The following PRKD1 variants were observed in gnomAD, a reference collection of about 807,000 sequenced individuals.
PRKD1 encodes the protein serine/threonine-protein kinase D1.
A neutral mutation model predicts 95.9 loss-of-function variants in PRKD1; 63 were observed. That is an observed-to-expected ratio of 0.66 (90% CI 0.54 to 0.81). The LOEUF (loss-of-function observed/expected upper bound fraction) is 0.81. Ranked by LOEUF, PRKD1 falls within the 30% of genes least tolerant of loss-of-function variation. The pLI, the probability that PRKD1 is intolerant of heterozygous loss-of-function variation, is 0.00. For synonymous variants in PRKD1, 425 were observed against 423.1 expected, an observed-to-expected ratio of 1.00 and a Z score of -0.05; for missense variants, 1,048 against 1,165.3, an observed-to-expected ratio of 0.90 and a Z score of 1.47.
chr14:29,767,317 A>C (rs1221556847), intron 1 of PRKD1, among the ~76,000 whole-genome samples: 1 of 152,116 alleles, frequency 6.6e-6, no homozygotes, highest in African/African-American at 2.4e-5. Flanking sequence ...AGCTTGAAAA[A>C]TCTGAGCAAT....
At chr14:29,833,381 G>A (rs926281355) in intron 1 of PRKD1, among the ~76,000 whole-genome samples, 9 of 152,050 alleles carry the variant, frequency 5.9e-5, no homozygotes, top group Admixed American at 2.0e-4. Context: ...TAATAAACCT[G>A]TTAAAGTACA....
chr14:29,590,261 A>G (rs919015828), intron 16 of PRKD1, among the ~76,000 whole-genome samples: 1 of 152,214 alleles, frequency 6.6e-6, no homozygotes, highest in African/African-American at 2.4e-5. Flanking sequence ...AGTTTTCTCT[A>G]TCTTATTGTT....
At chr14:29,654,598 T>C (rs1780212036) in intron 4 of PRKD1, among the ~76,000 whole-genome samples, 1 of 152,242 alleles carries the variant, frequency 6.6e-6, no homozygotes, top group Non-Finnish European at 1.5e-5. Context: ...CATAAATCAA[T>C]ATATTTCATT....
rs116608454 is a variant in PRKD1, at chr14:29,767,121, G to A, written c.265-41447C>T. The stretch of plus-strand genomic sequence containing the variant: ...ACCTCCAAATCCTGATTTTCATGCC[G>A]CCAGACTCTCCTGAATCTTTTCTTC... On this transcript the variant is annotated intron_variant, in intron 1 of 17. Transcript: ENST00000331968. Among the ~76,000 whole-genome samples, 1,112 of 152,000 alleles carry A rather than the reference G, an allele frequency of 7.3e-3. 9 individuals carry two copies. The highest frequency in any genetic ancestry group is 0.025 in the African/African-American group (1,050 of 41,462).
intron 1 of PRKD1, among the ~76,000 whole-genome samples, chr14:29,749,144 T>A (rs1377810382): frequency 6.6e-6 from 1 of 152,124 alleles, no homozygotes; most frequent in Non-Finnish European, 1.5e-5. Context: ...CCTCTGTAAT[T>A]AAGGAGAGGG....
At chr14:29,636,947 T>C (rs1254305173) in intron 6 of PRKD1, among the ~76,000 whole-genome samples, 2 of 152,200 alleles carry the variant, frequency 1.3e-5, no homozygotes, top group African/African-American at 4.8e-5. Context: ...ATTTCCTTTT[T>C]TATTTCAGTT....
intron 1 of PRKD1, among the ~76,000 whole-genome samples, chr14:29,852,904 T>A (rs1038488305): frequency 6.6e-6 from 1 of 152,122 alleles, no homozygotes; most frequent in African/African-American, 2.4e-5. Context: ...ACTCTGAATG[T>A]AAGTAGATCA....
At position 29,883,681 on chromosome 14, in the gene PRKD1, T is replaced by G. The variant is rs540754640; in HGVS notation, c.264+43568A>C. On this transcript the variant is annotated intron_variant, in intron 1 of 17. Coordinates refer to ENST00000331968, the MANE Select transcript of PRKD1 (RefSeq NM_002742.3). ...CTTGATGGACATATCACCAAATACT[T>G]TATCTCATGTTTGAATTTGTAAATG... Among the ~76,000 whole-genome samples, 8 of 152,316 alleles carry G rather than the reference T, an allele frequency of 5.3e-5. No individual in the cohort carries two copies. In the South Asian group the frequency reaches 1.7e-3, roughly 32 times the overall value.
intron 2 of PRKD1, among the ~76,000 whole-genome samples, chr14:29,693,730 T>C (rs947115003): frequency 2.6e-5 from 4 of 151,606 alleles, no homozygotes; most frequent in Non-Finnish European, 4.4e-5. Context: ...ATCCATATTA[T>C]CTTGTAAGAA....
chr14:29,898,776 C>A (rs947715532), intron 1 of PRKD1, among the ~76,000 whole-genome samples: 1 of 152,140 alleles, frequency 6.6e-6, no homozygotes, highest in Admixed American at 6.6e-5. Flanking sequence ...TCCACAGATA[C>A]AAACTGCCTG....
At chr14:29,628,083 G>T (rs1879744535) in intron 11 of PRKD1, among the ~76,000 whole-genome samples, 1 of 152,116 alleles carries the variant, frequency 6.6e-6, no homozygotes, top group Admixed American at 6.5e-5. Context: ...AAAGGCAATA[G>T]GAATCTGCAG....
chr14:29,675,562 A>T (rs1267456672), intron 2 of PRKD1, among the ~76,000 whole-genome samples: 2 of 152,178 alleles, frequency 1.3e-5, no homozygotes, highest in Non-Finnish European at 2.9e-5. Context: ...ATTGTGGAAG[A>T]CAGTGTGGCG....
At chr14:29,893,400 G>GT (rs59854349) in intron 1 of PRKD1, among the ~76,000 whole-genome samples, 40 of 150,806 alleles carry the variant, frequency 2.7e-4, no homozygotes, top group South Asian at 8.4e-4. Context: ...ATAGAAAGAG[G>GT]TTTTTTTTTG....
intron 1 of PRKD1, among the ~76,000 whole-genome samples, chr14:29,777,798 T>A (rs184306105): frequency 6.6e-6 from 1 of 152,108 alleles, no homozygotes; most frequent in African/African-American, 2.4e-5. Flanking sequence ...GCAGACATAA[T>A]AGACATCTAC....
At chr14:29,655,667 T>G (rs1469174526) in intron 4 of PRKD1, among the ~76,000 whole-genome samples, 2 of 152,186 alleles carry the variant, frequency 1.3e-5, no homozygotes, top group Non-Finnish European at 2.9e-5. Flanking sequence ...CATCATTCAT[T>G]GCTTAAAATA....
chr14:29,609,176 T>A (rs1483464792), intron 13 of PRKD1, among the ~76,000 whole-genome samples: 2 of 152,158 alleles, frequency 1.3e-5, no homozygotes, highest in African/African-American at 2.4e-5. Flanking sequence ...ATAATTATAC[T>A]TTTGTTGTGC....
intron 1 of PRKD1, among the ~76,000 whole-genome samples, chr14:29,847,792 T>C (rs1892139473): frequency 6.6e-6 from 1 of 152,140 alleles, no homozygotes; most frequent in African/African-American, 2.4e-5. Flanking sequence ...CTCTAAGATA[T>C]TGTAGCCAAT....
At chr14:29,663,949 T>A in intron 3 of PRKD1, 90 bp from the exon 4 acceptor site, 1 of 1,258,764 alleles carries the variant, frequency 7.9e-7, no homozygotes, top group Non-Finnish European at 1.1e-6. Flanking sequence ...TAAAAAATAG[T>A]ACAGCTTCCA....
At chr14:29,817,172 T>C (rs1890726609) in intron 1 of PRKD1, among the ~76,000 whole-genome samples, 1 of 152,228 alleles carries the variant, frequency 6.6e-6, no homozygotes, top group Non-Finnish European at 1.5e-5. Flanking sequence ...CTAACATAAA[T>C]GTTCTTCACA....
Sources: allele counts gnomAD v4.1 joint callset (sites outside exome capture counted in the v4.1 genomes callset), GRCh38; gene constraint gnomAD v4.1.1; transcripts MANE v1.5; gene names NCBI Gene and HGNC (gene_info 2026-07-23, HGNC 2026-07-21).